The following BAZ2B variants were observed in gnomAD, a reference collection of about 807,000 sequenced individuals.
The protein encoded by BAZ2B is bromodomain adjacent to zinc finger domain 2B, also known as bromodomain adjacent to zinc finger domain protein 2B.
A neutral mutation model predicts 246.0 loss-of-function variants in BAZ2B; 91 were observed. The ratio of observed to expected loss-of-function variants is 0.37; its 90% CI spans 0.31 to 0.44. BAZ2B has a LOEUF of 0.44. Ranked by LOEUF, BAZ2B falls within the 20% of genes least tolerant of loss-of-function variation. The pLI is 1.00. For missense variants in BAZ2B, 2,332 were observed against 2,533.7 expected (o/e 0.92, Z 1.71); for synonymous variants, 855 against 860.0 (o/e 0.99, Z 0.10).
chr2:159,462,194 T>C (rs1223149790), intron 3 of BAZ2B: 1 of 440,032 alleles, frequency 2.3e-6, no homozygotes, highest in East Asian at 4.5e-5. Context: ...GATATAGCAA[T>C]AACAGAAAAT....
In BAZ2B at chr2:159,395,731, C is replaced by A. The variant is rs1051137788; in HGVS notation, c.3075+38G>T. 6 of 1,524,374 alleles carry A rather than the reference C, an allele frequency of 3.9e-6. No individual in the cohort carries two copies. In the Middle Eastern group the frequency reaches 5.2e-4, roughly 131 times the overall value. The allele number at this position is 1,524,374 out of a possible 1,614,324, so 94.4% of individuals were successfully genotyped here. On this transcript the variant is annotated intron_variant, in intron 20 of 36. Coordinates refer to ENST00000392783, the MANE Select transcript of BAZ2B (RefSeq NM_013450.4). ...GCCAATGCTTTAGGAAAAAGCATTACTTTATAAGGTAATATTTTTCTAGAA... is the reference window on the plus strand; with the variant it reads ...GCCAATGCTTTAGGAAAAAGCATTAATTTATAAGGTAATATTTTTCTAGAA...
the BAZ2B span, among the ~76,000 whole-genome samples, chr2:159,642,238 CTTTTTTTT>C: frequency 7.6e-6 from 1 of 131,728 alleles, no homozygotes; most frequent in African/African-American, 2.8e-5. Flanking sequence ...TTCTTTCTTT[CTTTTTTTT>C]TTTTTTTTTG....
At chr2:159,468,382 TA>T (rs2077350288) in intron 3 of BAZ2B, among the ~76,000 whole-genome samples, 1 of 152,138 alleles carries the variant, frequency 6.6e-6, no homozygotes, top group Non-Finnish European at 1.5e-5. Context: ...CATCTCTGCC[TA>T]AATACTTTGC....
At chr2:159,507,216 T>G (rs916128852) in intron 2 of BAZ2B, among the ~76,000 whole-genome samples, 1 of 152,142 alleles carries the variant, frequency 6.6e-6, no homozygotes, top group Non-Finnish European at 1.5e-5. Context: ...AACAAAAAAC[T>G]TGAGGTTTCC....
intron 1 of BAZ2B, among the ~76,000 whole-genome samples, chr2:159,610,113 T>C (rs1208331374): frequency 2.0e-5 from 3 of 152,306 alleles, no homozygotes. Flanking sequence ...GGTACATTCC[T>C]ATAACAGCTC....
chr2:159,543,087 T>C (rs2086856090), intron 2 of BAZ2B, among the ~76,000 whole-genome samples: 1 of 152,146 alleles, frequency 6.6e-6, no homozygotes, highest in African/African-American at 2.4e-5. Context: ...ATGAAATAAA[T>C]TAAAGCTATA....
the BAZ2B span, among the ~76,000 whole-genome samples, chr2:159,679,789 T>A: frequency 1.4e-4 from 22 of 152,198 alleles, no homozygotes; most frequent in African/African-American, 4.1e-4. Flanking sequence ...CTTAAAAACC[T>A]AGGAAGGAAA....
chr2:159,708,721 T>C, the BAZ2B span, among the ~76,000 whole-genome samples: 3 of 152,062 alleles, frequency 2.0e-5, no homozygotes, highest in African/African-American at 7.2e-5. Context: ...ATTATAGGCA[T>C]GCACCAATGC....
At chr2:159,351,350 CTT>C (rs1351490809) in intron 27 of BAZ2B, among the ~76,000 whole-genome samples, 13 of 151,990 alleles carry the variant, frequency 8.6e-5, no homozygotes, top group Admixed American at 3.9e-4. Flanking sequence ...TATATCATAA[CTT>C]AAATAATTTT....
At chr2:159,543,458 C>A (rs2086896640) in intron 2 of BAZ2B, among the ~76,000 whole-genome samples, 1 of 151,298 alleles carries the variant, frequency 6.6e-6, no homozygotes, top group Non-Finnish European at 1.5e-5. Flanking sequence ...GATGCTTATC[C>A]TTTTGTGGTA....
chr2:159,385,732 T>TA (rs2062571567), intron 22 of BAZ2B, among the ~76,000 whole-genome samples: 1 of 152,070 alleles, frequency 6.6e-6, no homozygotes, highest in African/African-American at 2.4e-5. Flanking sequence ...GTGGGGAGGT[T>TA]AAAAAACAGT....
intron 2 of BAZ2B, among the ~76,000 whole-genome samples, chr2:159,487,705 CA>C (rs1210576735): frequency 6.6e-6 from 1 of 151,052 alleles, no homozygotes; most frequent in Non-Finnish European, 1.5e-5. Flanking sequence ...TTCCAAGTTT[CA>C]ACAAGAGAAG....
At chr2:159,564,194 C>G (rs922609317) in intron 1 of BAZ2B, among the ~76,000 whole-genome samples, 1 of 152,104 alleles carries the variant, frequency 6.6e-6, no homozygotes, top group Admixed American at 6.5e-5. Flanking sequence ...CCAGATAGAA[C>G]AGAAGTGCCA....
rs1559375525 is a variant in BAZ2B, at chr2:159,428,038, A to G, written c.2369T>C (p.Leu790Pro). The change falls in exon 13 of 37, where the codon CTC (leucine) becomes CCC (proline). Residue 790 changes from leucine to proline, a missense_variant. By Grantham distance (98) the Leu-to-Pro change is moderately conservative. This residue lies in a region of BAZ2B where 651 missense variants were observed against 650.9 expected (regional missense o/e 1.00). Coordinates refer to ENST00000392783, the MANE Select transcript of BAZ2B (RefSeq NM_013450.4). ...GATATCCATTATTCCATTTCTGCTG[A>G]GATACTGAAAAAATCACATATTTTT... Reference protein sequence around the residue: ...LRQYPEVIKYLSRNGIMDISR... With the variant: ...LRQYPEVIKYPSRNGIMDISR... 2 of 1,612,498 alleles carry G rather than the reference A, an allele frequency of 1.2e-6. No homozygotes were observed. Among genetic ancestry groups the G allele is most frequent in the Non-Finnish European group, 1.7e-6 (2 of 1,178,874 alleles).
intron 20 of BAZ2B, 139 bp from the exon 21 acceptor site, chr2:159,389,624 T>A (rs2063087451): frequency 1.3e-6 from 1 of 762,996 alleles, no homozygotes; most frequent in Non-Finnish European, 1.9e-6. Context: ...CTTATGACTG[T>A]ATATATTTAA....
At chr2:159,502,954 A>G (rs1402961764) in intron 2 of BAZ2B, among the ~76,000 whole-genome samples, 1 of 152,174 alleles carries the variant, frequency 6.6e-6, no homozygotes, top group Non-Finnish European at 1.5e-5. Context: ...AGTTTATCCA[A>G]TATTAAAAGT....
chr2:159,381,027 C>T (rs2061940964), intron 25 of BAZ2B, among the ~76,000 whole-genome samples: 1 of 152,160 alleles, frequency 6.6e-6, no homozygotes, highest in Admixed American at 6.5e-5. Context: ...CCCCAACTCA[C>T]AGAAATCTCT....
chr2:159,445,900 G>A (rs1422521886), intron 6 of BAZ2B, among the ~76,000 whole-genome samples: 1 of 152,172 alleles, frequency 6.6e-6, no homozygotes, highest in African/African-American at 2.4e-5. Context: ...GATCCCTTGA[G>A]CTCAGGTGTT....
At chr2:159,642,873 G>A in the BAZ2B span, among the ~76,000 whole-genome samples, 1 of 152,082 alleles carries the variant, frequency 6.6e-6, no homozygotes, top group South Asian at 2.1e-4. Flanking sequence ...TTTATCCTTT[G>A]TGTTTTCAAT....
Sources: gnomAD v4.1 joint callset for allele counts (sites outside exome capture counted in the v4.1 genomes callset) on GRCh38, gnomAD v4.1.1 for gene constraint, gnomAD v4.1.1 regional missense constraint, MANE v1.5 for transcripts, NCBI Gene and HGNC (gene_info 2026-07-23, HGNC 2026-07-21) for gene names.